KAT7: variants seen among roughly 807,000 people sequenced by gnomAD.
KAT7 encodes the protein lysine acetyltransferase 7.
A neutral mutation model predicts 82.1 loss-of-function variants in KAT7; 10 were observed. The ratio of observed to expected loss-of-function variants is 0.12; its 90% CI spans 0.08 to 0.21. KAT7 has a LOEUF of 0.21. Ranked by LOEUF, KAT7 falls within the 10% of genes least tolerant of loss-of-function variation. The pLI is 1.00. For synonymous variants in KAT7, 250 were observed against 262.5 expected, an observed-to-expected ratio of 0.95 and a Z score of 0.46; for missense variants, 378 against 760.9, an observed-to-expected ratio of 0.50 and a Z score of 5.92.
intron 4 of KAT7, among the ~76,000 whole-genome samples, chr17:49,803,183 A>G (rs1598061811): frequency 1.3e-5 from 2 of 151,852 alleles, no homozygotes; most frequent in African/African-American, 2.4e-5. Flanking sequence ...ATCTTGGCTC[A>G]CTATAGCCTC....
chr17:49,827,162 A>G, intron 14 of KAT7: 2 of 498,788 alleles, frequency 4.0e-6, no homozygotes, highest in Non-Finnish European at 7.1e-6. Context: ...TTTTTAAATT[A>G]TTTCATATAT....
chr17:49,828,846 C>A lies in KAT7; in HGVS notation c.*1344C>A. The A allele has an allele frequency of 6.5e-6, 1 of 153,420 alleles. No homozygotes were observed. Among genetic ancestry groups the A allele is most frequent in the East Asian group, 1.9e-4 (1 of 5,200 alleles). 9.5% of individuals were successfully genotyped at this position (153,420 alleles called of 1,614,324 possible). A position where few individuals can be genotyped will look rare whatever the true frequency, so the allele number is the denominator to read the frequency against. ...CCTCACCACAATCCCTGACTCCGGTCATTTGTGCCTTTCTCTTGTCATCTC... is the reference window on the plus strand; with the variant it reads ...CCTCACCACAATCCCTGACTCCGGTAATTTGTGCCTTTCTCTTGTCATCTC... On this transcript the variant is annotated 3_prime_UTR_variant, in exon 15 of 15. Coordinates refer to ENST00000259021, the MANE Select transcript of KAT7 (RefSeq NM_007067.5).
chr17:49,823,058 A>G (rs1262543313), intron 11 of KAT7, 144 bp from the exon 12 acceptor site: 2 of 602,502 alleles, frequency 3.3e-6, no homozygotes, highest in African/African-American at 1.8e-5. Context: ...GGGTGTGGTT[A>G]TAACAGCTGT....
intron 4 of KAT7, among the ~76,000 whole-genome samples, chr17:49,800,264 G>C (rs1431409076): frequency 8.5e-5 from 13 of 152,100 alleles, no homozygotes; most frequent in African/African-American, 3.1e-4. Context: ...GCCCGCCTTG[G>C]CCTCCCAAAG....
At chr17:49,826,852 C>T in intron 14 of KAT7, 53 bp downstream of exon 14, 1 of 1,213,314 alleles carries the variant, frequency 8.2e-7, no homozygotes, top group Non-Finnish European at 1.2e-6. Flanking sequence ...CAAGACTTAG[C>T]AGAGCAAAGT....
chr17:49,827,311 A>G (rs561686812), intron 14 of KAT7, 90 bp from the exon 15 acceptor site: 83 of 787,086 alleles, frequency 1.1e-4, no homozygotes, highest in African/African-American at 7.3e-4. Context: ...ACCTTTGGCA[A>G]TTCCTTCTTG....
intron 9 of KAT7, among the ~76,000 whole-genome samples, chr17:49,818,674 A>G (rs755840606): frequency 1.3e-5 from 2 of 151,374 alleles, no homozygotes; most frequent in African/African-American, 4.9e-5. Context: ...AATTTCTGCC[A>G]TGGAGCAAGG....
At chr17:49,800,054 C>G (rs924936168) in intron 4 of KAT7, among the ~76,000 whole-genome samples, 2 of 149,376 alleles carry the variant, frequency 1.3e-5, no homozygotes, top group Admixed American at 6.7e-5. Flanking sequence ...CTCTGTCCCC[C>G]AGGCTGGAGT....
chr17:49,792,911 A>G (rs2073908587), intron 2 of KAT7, among the ~76,000 whole-genome samples: 1 of 152,134 alleles, frequency 6.6e-6, no homozygotes, highest in African/African-American at 2.4e-5. Context: ...TCCTTGGCTC[A>G]AGTGATCCTC....
At position 49,832,726 on chromosome 17, in the gene KAT7, C is replaced by T. The variant is rs2074434422; in HGVS notation, c.*5224C>T. The T allele has an allele frequency of 6.6e-6, 1 of 152,214 alleles. No individual in the cohort carries two copies. The highest frequency in any genetic ancestry group is 2.4e-5 in the African/African-American group (1 of 41,454). 9.4% of individuals were successfully genotyped at this position (152,214 alleles called of 1,614,324 possible). A position where few individuals can be genotyped will look rare whatever the true frequency, so the allele number is the denominator to read the frequency against. Reference sequence around the variant, plus strand: ...CACTGAGGCTCTCAGCATTAGTTTCCTCTACCTCTTGTGTCTCACAGGTGC... The same window carrying T: ...CACTGAGGCTCTCAGCATTAGTTTCTTCTACCTCTTGTGTCTCACAGGTGC... On this transcript the variant is annotated 3_prime_UTR_variant, in exon 15 of 15. Coordinates refer to ENST00000259021, the MANE Select transcript of KAT7 (RefSeq NM_007067.5).
intron 5 of KAT7, 91 bp downstream of exon 5, chr17:49,805,536 C>G (rs2074080359): frequency 2.5e-6 from 2 of 800,358 alleles, no homozygotes; most frequent in South Asian, 3.3e-5. Context: ...CAGTGGCCAA[C>G]AAGATGGGTA....
chr17:49,803,065 G>C (rs16948381), intron 4 of KAT7, among the ~76,000 whole-genome samples: 7,891 of 151,212 alleles, frequency 0.052, 423 homozygotes, highest in East Asian at 0.3. Flanking sequence ...TGATCAGTGA[G>C]GATGGTTTTT....
chr17:49,812,389 T>A (rs1340643093), intron 7 of KAT7, among the ~76,000 whole-genome samples: 1 of 151,994 alleles, frequency 6.6e-6, no homozygotes, highest in Non-Finnish European at 1.5e-5. Flanking sequence ...CACGCCCAGC[T>A]AATTTGTGTA....
intron 6 of KAT7, among the ~76,000 whole-genome samples, chr17:49,810,168 G>A (rs938519481): frequency 6.6e-6 from 1 of 152,212 alleles, no homozygotes; most frequent in African/African-American, 2.4e-5. Context: ...TGTATGTAAA[G>A]TACCTATACC....
At chr17:49,820,636 T>C (rs1489264619) in intron 9 of KAT7, among the ~76,000 whole-genome samples, 1 of 152,040 alleles carries the variant, frequency 6.6e-6, no homozygotes, top group Non-Finnish European at 1.5e-5. Flanking sequence ...GATGGCTGGC[T>C]GGCTGGCTGC....
chr17:49,815,487 G>T (rs1316112964), intron 7 of KAT7: 1 of 203,330 alleles, frequency 4.9e-6, no homozygotes. Context: ...TTATTTATTT[G>T]TACTGTCATG....
intron 2 of KAT7, chr17:49,795,657 C>A: frequency 4.1e-6 from 1 of 246,808 alleles, no homozygotes; most frequent in Non-Finnish European, 8.9e-6. Context: ...GTAAGAAGAC[C>A]AAAGCAGCAG....
At chr17:49,825,338 A>T (rs1031437738) in intron 12 of KAT7, among the ~76,000 whole-genome samples, 1 of 152,250 alleles carries the variant, frequency 6.6e-6, no homozygotes, top group African/African-American at 2.4e-5. Flanking sequence ...TTTAAAAAAT[A>T]CTTAAAAACT....
At chr17:49,795,034 G>T (rs1470694303) in intron 2 of KAT7, among the ~76,000 whole-genome samples, 1 of 150,392 alleles carries the variant, frequency 6.6e-6, no homozygotes, top group South Asian at 2.1e-4. Context: ...AATATACGTT[G>T]GGGGGTGCAG....
Sources: allele counts gnomAD v4.1 joint callset (sites outside exome capture counted in the v4.1 genomes callset), GRCh38; gene constraint gnomAD v4.1.1; transcripts MANE v1.5; gene names NCBI Gene and HGNC (gene_info 2026-07-23, HGNC 2026-07-21).